OSBPL5: variants seen among roughly 807,000 people sequenced by gnomAD.
OSBPL5 encodes oxysterol-binding protein-related protein 5.
OSBPL5 carries 71 observed loss-of-function variants against 111.2 expected under a neutral mutation model. The ratio of observed to expected loss-of-function variants is 0.64; its 90% CI spans 0.53 to 0.78. OSBPL5 has a LOEUF of 0.78. OSBPL5 is among the 30% of genes least tolerant of loss of function. The pLI is 0.00. For missense variants in OSBPL5, 1,210 were observed against 1,189.3 expected, an observed-to-expected ratio of 1.02 and a Z score of -0.26; for synonymous variants, 549 against 513.9, an observed-to-expected ratio of 1.07 and a Z score of -0.93.
chr11:3,100,145 C>T lies in OSBPL5; in HGVS notation c.1621+13G>A. On this transcript the variant is annotated intron_variant, in intron 14 of 21. Transcript: ENST00000263650. Reference sequence around the variant, plus strand: ...CTGGCTCTGCCCTCGGAGTGTGTGGCTGAGCCTCTCACCTTTGCAGTGGGC... The same window carrying T: ...CTGGCTCTGCCCTCGGAGTGTGTGGTTGAGCCTCTCACCTTTGCAGTGGGC... 1 of 1,613,136 alleles carries T rather than the reference C, an allele frequency of 6.2e-7. No homozygotes were observed. The highest frequency in any genetic ancestry group is 1.1e-5 in the South Asian group (1 of 90,974).
rs745432220 is a variant in OSBPL5 at position 3,107,366 on chromosome 11, T to G, written c.956A>C (p.His319Pro). The change falls in exon 9 of 22, where the codon CAT (histidine) becomes CCT (proline). Residue 319 changes from histidine to proline, a missense_variant. Physicochemically the swap from His to Pro is moderately conservative, Grantham distance 77. Coordinates refer to ENST00000263650, the MANE Select transcript of OSBPL5 (RefSeq NM_020896.4). The surrounding 1 kb of genome is among the most constrained non-coding windows in gnomAD (Gnocchi z 6.1). ...GCTGCCACTCTCCGTCTTCCGGCTA[T>G]GGTCCTGGGTCTCGGTATCTGACTC... ...PEESDTETQDHSRKTESGSDQ... is the reference protein window; with the variant it reads ...PEESDTETQDPSRKTESGSDQ... 2.5e-6 allele frequency: 4 copies of G among 1,613,956 alleles called. No homozygotes were observed. The highest frequency in any genetic ancestry group is 3.3e-5 in the Admixed American group (2 of 60,006).
At chr11:3,128,228 G>A (rs1177162747) in intron 2 of OSBPL5, among the ~76,000 whole-genome samples, 1 of 152,204 alleles carries the variant, frequency 6.6e-6, no homozygotes, top group Non-Finnish European at 1.5e-5. Context: ...TCCCCCCAGG[G>A]CAGATGAGAT....
chr11:3,119,481 A>G (rs1858325212), intron 7 of OSBPL5, 66 bp downstream of exon 7: 16 of 1,475,822 alleles, frequency 1.1e-5, no homozygotes, highest in Non-Finnish European at 1.3e-5. Context: ...CCTGGGCTAC[A>G]ACCTCAAAAG....
chr11:3,108,851 C>T (rs1248239636), intron 7 of OSBPL5, among the ~76,000 whole-genome samples: 1 of 152,226 alleles, frequency 6.6e-6, no homozygotes, highest in Non-Finnish European at 1.5e-5. Flanking sequence ...TCACCGCAAC[C>T]TCTGCCTCCC....
In OSBPL5 at chr11:3,129,003, C is replaced by T. The variant is rs778752094; in HGVS notation, c.136+10G>A. 13 of 1,541,470 alleles carry T rather than the reference C, an allele frequency of 8.4e-6. No individual in the cohort carries two copies. The highest frequency in any genetic ancestry group is 1.4e-5 in the African/African-American group (1 of 71,196). ...AGGGCCAGGTTGCCCTGCCCACGGC[C>T]GGCACTTACCTGGGCTGAGTGGGTA... On this transcript the variant is annotated intron_variant, in intron 2 of 21. Transcript: ENST00000263650.
At chr11:3,091,929 A>G (rs370178221) in intron 19 of OSBPL5, among the ~76,000 whole-genome samples, 1 of 152,114 alleles carries the variant, frequency 6.6e-6, no homozygotes, top group East Asian at 1.9e-4. Flanking sequence ...GCACACCTGG[A>G]ACGGGGGCGT....
intron 1 of OSBPL5, among the ~76,000 whole-genome samples, chr11:3,155,693 A>C (rs1181854857): frequency 2.0e-5 from 3 of 151,838 alleles, no homozygotes; most frequent in African/African-American, 7.2e-5. Context: ...TTTGCCACTC[A>C]TGTCTGAAGT....
chr11:3,104,146 C>A lies in OSBPL5; in HGVS notation c.1244+47G>T, dbSNP rs778495583. On this transcript the variant is annotated intron_variant, in intron 10 of 21. Coordinates refer to ENST00000263650, the MANE Select transcript of OSBPL5 (RefSeq NM_020896.4). This position sits in a 1 kb window ranked among gnomAD's most constrained non-coding sequence, Gnocchi z 5.0. ...GCTGGGGGTGCTGCAGGGTCTCATG[C>A]AGATGCAGGACGAGGTGTGGGGTGC... is the stretch of plus-strand genomic sequence containing the variant. 1.9e-5 allele frequency: 30 copies of A among 1,561,870 alleles called. No individual in the cohort carries two copies. In the Middle Eastern group the frequency reaches 8.5e-4, roughly 44 times the overall value.
Position 3,092,643 on chromosome 11 carries a change from C to A in OSBPL5, c.2133-85G>T. The A allele has an allele frequency of 6.9e-7, 1 of 1,455,032 alleles. No homozygotes were observed. The allele number at this position is 1,455,032 out of a possible 1,614,324, so 90.1% of individuals were successfully genotyped here. ...CCTGGCCCAGTCTTCAGCCCCCCAA[C>A]AGTGGCCAGAGACCTCCAGGAGAAT... On this transcript the variant is annotated intron_variant, in intron 18 of 21. Coordinates refer to ENST00000263650, the MANE Select transcript of OSBPL5 (RefSeq NM_020896.4). The surrounding 1 kb of genome is among the most constrained non-coding windows in gnomAD (Gnocchi z 5.4).
Position 3,088,335 on chromosome 11 carries a change from G to A in OSBPL5, c.2510C>T (p.Ser837Leu), listed in dbSNP as rs759853425. 12 of 1,570,792 alleles carry A rather than the reference G, an allele frequency of 7.6e-6. No homozygotes were observed. Among genetic ancestry groups the A allele is most frequent in the East Asian group, 6.9e-5 (3 of 43,562 alleles). The part of the protein sequence containing the change: ...EAQQELHRHL[S>L]AMLSSTARAA... ...CCGTGCCGTGGAGCTCAGCATGGCC[G>A]AGAGGTGCCTGCAAGGACAGGCGAC... Residue 837 changes from serine (S) to leucine (L), a missense_variant, in exon 22 of 22, where the codon TCG (serine) becomes TTG (leucine). Transcript: ENST00000263650.
rs1857521356 is a variant in OSBPL5, at chr11:3,103,307, C to T, written c.1258G>A (p.Glu420Lys). The change falls in exon 11 of 22, where the codon GAG becomes AAG. Residue 420 changes from glutamate (E) to lysine (K), a missense_variant. Transcript: ENST00000263650. ...AGCTTCATGCGGCTGTAGGCATCCT[C>T]CTCCACCGCAGCCCTGCCATGGGGC... ...ADLLSRAAVE[E>K]DAYSRMKLVL... The T allele has an allele frequency of 6.2e-7, 1 of 1,606,598 alleles. No individual in the cohort carries two copies. Among genetic ancestry groups the T allele is most frequent in the Admixed American group, 1.7e-5 (1 of 59,440 alleles).
chr11:3,119,726 C>A, intron 6 of OSBPL5, 95 bp from the exon 7 acceptor site: 1 of 1,223,580 alleles, frequency 8.2e-7, no homozygotes, highest in Non-Finnish European at 1.1e-6. Flanking sequence ...ACACCTGGGA[C>A]CACCTGGACA....
At chr11:3,134,952 C>T (rs1039562839) in intron 1 of OSBPL5, among the ~76,000 whole-genome samples, 9 of 152,178 alleles carry the variant, frequency 5.9e-5, no homozygotes, top group Admixed American at 5.2e-4. Context: ...GGAGAGGGGA[C>T]GCGGGAGAAG....
In OSBPL5 at chr11:3,161,750, TAAAG is replaced by T. The variant is rs1224207627; in HGVS notation, c.-22+3462_-22+3465del. On this transcript the variant is annotated intron_variant, in intron 1 of 21. Coordinates refer to ENST00000263650, the MANE Select transcript of OSBPL5 (RefSeq NM_020896.4). The surrounding 1 kb of genome is among the most constrained non-coding windows in gnomAD (Gnocchi z 8.0). Reference sequence around the variant, plus strand: ...ACAAACATGACCATTTCAGTATAAATAAAGAGAAAACAAAACACAGAGCTGAGAG... The same window carrying T: ...ACAAACATGACCATTTCAGTATAAATAGAAAACAAAACACAGAGCTGAGAG... Among the ~76,000 whole-genome samples the T allele has an allele frequency of 1.3e-5, 2 of 151,294 alleles. No individual in the cohort carries two copies. The highest frequency in any genetic ancestry group is 2.9e-5 in the Non-Finnish European group (2 of 67,944).
At chr11:3,132,575 C>T (rs1388413530) in intron 1 of OSBPL5, among the ~76,000 whole-genome samples, 1 of 152,138 alleles carries the variant, frequency 6.6e-6, no homozygotes, top group Admixed American at 6.5e-5. Context: ...TTCCCCAGCC[C>T]ACTCTGTCGC....
At position 3,122,071 on chromosome 11, in the gene OSBPL5, T is replaced by G. The variant is rs1369342733; in HGVS notation, c.328A>C (p.Lys110Gln). The change falls in exon 5 of 22, where the codon AAG becomes CAG. Residue 110 changes from lysine to glutamine, a missense_variant. Physicochemically the swap from Lys to Gln is moderately conservative, Grantham distance 53. Coordinates refer to ENST00000263650, the MANE Select transcript of OSBPL5 (RefSeq NM_020896.4). ...KAQKENYRQE[K>Q]KRATRQLLSA... Reference sequence around the variant, plus strand: ...AGCAGCTGCCGTGTGGCGCGCTTCTTCTCCTGCCGGTAGTTCTCCTTCTGC... The same window carrying G: ...AGCAGCTGCCGTGTGGCGCGCTTCTGCTCCTGCCGGTAGTTCTCCTTCTGC... 6.3e-7 allele frequency: 1 copy of G among 1,578,520 alleles called. No individual in the cohort carries two copies. Among genetic ancestry groups the G allele is most frequent in the South Asian group, 1.1e-5 (1 of 87,526 alleles).
intron 19 of OSBPL5, among the ~76,000 whole-genome samples, chr11:3,091,931 C>CG (rs1279716746): frequency 2.6e-5 from 4 of 152,198 alleles, no homozygotes; most frequent in Admixed American, 6.5e-5. Flanking sequence ...ACACCTGGAA[C>CG]GGGGGCGTGT....
At position 3,138,132 on chromosome 11, in the gene OSBPL5, C is replaced by A. The variant is rs564378560; in HGVS notation, c.-21-8963G>T. On this transcript the variant is annotated intron_variant, in intron 1 of 21. Transcript: ENST00000263650. ...GTGGGCCCGGCCAGGCCAGCCCGTC[C>A]CCGGCCCTGTCCACCTGTCCTCCTG... Among the ~76,000 whole-genome samples, 5 of 152,336 alleles carry A rather than the reference C, an allele frequency of 3.3e-5. No homozygotes were observed. In the South Asian group the frequency reaches 1.0e-3, roughly 32 times the overall value.
chr11:3,088,471 C>T, intron 21 of OSBPL5, 128 bp from the exon 22 acceptor site: 2 of 1,117,982 alleles, frequency 1.8e-6, no homozygotes, highest in Non-Finnish European at 2.3e-6. Flanking sequence ...GATGGGATGG[C>T]CCTCCAGGGG....
Sources: allele counts gnomAD v4.1 joint callset (sites outside exome capture counted in the v4.1 genomes callset), GRCh38; gene constraint gnomAD v4.1.1; non-coding constraint Gnocchi (gnomAD v3.1); transcripts MANE v1.5; gene names NCBI Gene and HGNC (gene_info 2026-07-23, HGNC 2026-07-21).